The following VTI1A variants were observed in gnomAD, a reference collection of about 807,000 sequenced individuals.
VTI1A encodes vesicle transport through interaction with t-SNAREs homolog 1A.
A neutral mutation model predicts 34.9 loss-of-function variants in VTI1A; 22 were observed. That is an observed-to-expected ratio of 0.63 (90% CI 0.45 to 0.90). The LOEUF (loss-of-function observed/expected upper bound fraction) is 0.90. Among genes scored for constraint, VTI1A ranks in the 40% least tolerant of loss-of-function variants. The probability of loss-of-function intolerance (pLI) is 0.00; values close to 1 mark genes in which losing one functional copy is unlikely to be tolerated. For missense variants in VTI1A, 268 were observed against 275.6 expected (o/e 0.97, Z 0.20); for synonymous variants, 87 against 97.3 (o/e 0.89, Z 0.62).
chr10:112,661,832 A>G (rs2133822777), intron 5 of VTI1A, among the ~76,000 whole-genome samples: 1 of 147,600 alleles, frequency 6.8e-6, no homozygotes, highest in South Asian at 2.1e-4. Context: ...CAGTGGCACA[A>G]TCTCGACTCA....
At chr10:112,679,815 T>G (rs1411100830) in intron 7 of VTI1A, among the ~76,000 whole-genome samples, 2 of 151,542 alleles carry the variant, frequency 1.3e-5, no homozygotes, top group East Asian at 3.9e-4. Flanking sequence ...CAGTTAAAGA[T>G]GTCCGAATCA....
At chr10:112,638,369 G>C (rs1281189420) in intron 5 of VTI1A, among the ~76,000 whole-genome samples, 1 of 152,178 alleles carries the variant, frequency 6.6e-6, no homozygotes, top group African/African-American at 2.4e-5. Flanking sequence ...GAAGAGAGAA[G>C]TATCTTGTCT....
intron 5 of VTI1A, among the ~76,000 whole-genome samples, chr10:112,625,091 C>G (rs1845870834): frequency 2.0e-5 from 3 of 152,050 alleles, no homozygotes; most frequent in Admixed American, 6.6e-5. Flanking sequence ...GAGTGTGGCA[C>G]TGTCTCAAAA....
intron 7 of VTI1A, among the ~76,000 whole-genome samples, chr10:112,814,755 G>A (rs1332858200): frequency 6.6e-6 from 1 of 152,184 alleles, no homozygotes; most frequent in African/African-American, 2.4e-5. Context: ...ACAGATGATG[G>A]TTTCACAGCC....
At chr10:112,739,227 C>T (rs184302985) in intron 7 of VTI1A, among the ~76,000 whole-genome samples, 77 of 152,256 alleles carry the variant, frequency 5.1e-4, no homozygotes, top group African/African-American at 1.8e-3. Context: ...CCTTTGTTTC[C>T]AAAATTGTTA....
intron 3 of VTI1A, among the ~76,000 whole-genome samples, chr10:112,518,124 C>T (rs1273975734): frequency 6.6e-6 from 1 of 151,884 alleles, no homozygotes; most frequent in African/African-American, 2.4e-5. Flanking sequence ...CTTTGGAAGA[C>T]CTGCAGAGTG....
chr10:112,673,908 T>C (rs981860590), intron 7 of VTI1A, among the ~76,000 whole-genome samples: 7 of 151,650 alleles, frequency 4.6e-5, no homozygotes, highest in Non-Finnish European at 1.0e-4. Context: ...ACATATGCCA[T>C]GGCTAGATGT....
intron 3 of VTI1A, among the ~76,000 whole-genome samples, chr10:112,515,317 A>AT (rs550875570): frequency 2.6e-4 from 40 of 152,164 alleles, no homozygotes; most frequent in African/African-American, 9.4e-4. Context: ...GAGGAAATTA[A>AT]TTTTTTTAGA....
At chr10:112,575,570 A>G (rs905233699) in intron 5 of VTI1A, among the ~76,000 whole-genome samples, 4 of 152,224 alleles carry the variant, frequency 2.6e-5, no homozygotes, top group African/African-American at 9.6e-5. Flanking sequence ...AGAGTGCTCT[A>G]TAGGGAAACA....
intron 7 of VTI1A, chr10:112,671,696 G>A (rs1170290529): frequency 5.3e-5 from 8 of 151,992 alleles, no homozygotes; most frequent in Non-Finnish European, 8.8e-5. Context: ...CTGTGCGTAT[G>A]GCCACTTGAT....
intron 5 of VTI1A, among the ~76,000 whole-genome samples, chr10:112,563,941 T>C (rs1168566142): frequency 1.3e-5 from 2 of 152,200 alleles, no homozygotes; most frequent in Non-Finnish European, 2.9e-5. Context: ...TCAAATTTAA[T>C]ATTTTAGCTT....
intron 5 of VTI1A, among the ~76,000 whole-genome samples, chr10:112,640,558 C>G (rs1480706555): frequency 6.6e-6 from 1 of 151,576 alleles, no homozygotes; most frequent in Non-Finnish European, 1.5e-5. Context: ...ACAACAACAA[C>G]AACAAAAAAA....
At chr10:112,828,628 A>G in the VTI1A span, among the ~76,000 whole-genome samples, 3 of 151,808 alleles carry the variant, frequency 2.0e-5, no homozygotes, top group Admixed American at 6.5e-5. Context: ...GATGGTCTCG[A>G]TCTCCTGACC....
Position 112,464,608 on chromosome 10 carries a change from A to G in VTI1A, c.215A>G (p.Asn72Ser). 1 of 1,613,022 alleles carries G rather than the reference A, an allele frequency of 6.2e-7. No homozygotes were observed. The highest frequency in any genetic ancestry group is 8.5e-7 in the Non-Finnish European group (1 of 1,179,252). ...IPPQSRGMYS[N>S]RMRSYKQEMG... ...CCCCAAAGTCGAGGGATGTACAGCA[A>G]CAGAATGAGAAGCTACAAACAAGAA... is the stretch of plus-strand genomic sequence containing the variant. The change falls in exon 3 of 8, where the codon AAC (asparagine) becomes AGC (serine). Residue 72 changes from asparagine (N) to serine (S), a missense_variant. Transcript: ENST00000393077.
chr10:112,695,886 A>G lies in VTI1A; in HGVS notation c.560+26888A>G, dbSNP rs113375933. Among the ~76,000 whole-genome samples, 972 of 152,274 alleles carry G rather than the reference A, an allele frequency of 6.4e-3. 14 individuals are homozygous for G. The highest frequency in any genetic ancestry group is 0.023 in the African/African-American group (943 of 41,554). ...CAGAGGAGGTTAAAATTATGTTTCT[A>G]ATCATTTTTCCCGTCCTCTGAAAAG... On this transcript the variant is annotated intron_variant, in intron 7 of 7. Coordinates refer to ENST00000393077, the MANE Select transcript of VTI1A (RefSeq NM_145206.4).
intron 7 of VTI1A, among the ~76,000 whole-genome samples, chr10:112,775,873 C>A (rs1177160180): frequency 6.6e-6 from 1 of 152,222 alleles, no homozygotes; most frequent in Non-Finnish European, 1.5e-5. Context: ...GATAGTCAAT[C>A]TGTGACTTCT....
At chr10:112,689,613 G>T (rs1375289516) in intron 7 of VTI1A, among the ~76,000 whole-genome samples, 2 of 152,194 alleles carry the variant, frequency 1.3e-5, no homozygotes, top group Non-Finnish European at 2.9e-5. Flanking sequence ...TGGGGAGGAT[G>T]ATGGATGACT....
intron 5 of VTI1A, among the ~76,000 whole-genome samples, chr10:112,565,013 G>A (rs950308736): frequency 3.3e-5 from 5 of 151,982 alleles, no homozygotes; most frequent in East Asian, 1.9e-4. Context: ...CTATGCTGCC[G>A]TAAAATGAAA....
chr10:112,528,816 C>G (rs1278175961), intron 4 of VTI1A, among the ~76,000 whole-genome samples: 3 of 152,146 alleles, frequency 2.0e-5, no homozygotes, highest in African/African-American at 7.2e-5. Context: ...GTGTGCCTGT[C>G]TAACTCAGAC....
Sources: gnomAD v4.1 joint callset for allele counts (sites outside exome capture counted in the v4.1 genomes callset) on GRCh38, gnomAD v4.1.1 for gene constraint, MANE v1.5 for transcripts, NCBI Gene and HGNC (gene_info 2026-07-23, HGNC 2026-07-21) for gene names.